Variants in TCF12 observed in about 807,000 individuals in gnomAD.
TCF12 encodes the protein transcription factor 12, also known as DNA-binding protein HTF4.
In TCF12, 45 loss-of-function variants were observed where a neutral mutation model predicts 86.0. The ratio of observed to expected loss-of-function variants is 0.52; its 90% confidence interval spans 0.41 to 0.67. The LOEUF (loss-of-function observed/expected upper bound fraction) is 0.67, where lower values mean the gene tolerates loss of function less well. TCF12 is among the 30% of genes least tolerant of loss of function. TCF12 has a pLI of 0.00. For missense variants in TCF12, 881 were observed against 859.9 expected, an observed-to-expected ratio of 1.02 and a Z score of -0.31; for synonymous variants, 330 against 299.6, an observed-to-expected ratio of 1.10 and a Z score of -1.05.
At chr15:57,212,212 T>A (rs1482951292) in intron 8 of TCF12, among the ~76,000 whole-genome samples, 1 of 152,190 alleles carries the variant, frequency 6.6e-6, no homozygotes, top group Admixed American at 6.5e-5. Flanking sequence ...AATGCTTCAT[T>A]TACCTTTTAA....
intron 5 of TCF12, among the ~76,000 whole-genome samples, chr15:57,120,511 T>C (rs1378462807): frequency 1.3e-5 from 2 of 152,332 alleles, no homozygotes; most frequent in East Asian, 3.9e-4. Flanking sequence ...GACTTACAGT[T>C]CTGTGTATGT....
chr15:57,060,405 TTATC>T (rs1491000503), intron 3 of TCF12, among the ~76,000 whole-genome samples: 5 of 152,230 alleles, frequency 3.3e-5, no homozygotes, highest in Admixed American at 6.5e-5. Context: ...TACTAAGAGA[TTATC>T]TATATAAAAG....
At chr15:57,253,508 A>T (rs1237353389) in intron 16 of TCF12, 40 bp downstream of exon 16, 17 of 1,601,802 alleles carry the variant, frequency 1.1e-5, no homozygotes, top group African/African-American at 2.7e-5. Context: ...AACCCTAAAG[A>T]TTCTTGTCCT....
chr15:56,991,664 A>G (rs2063465479), intron 3 of TCF12, among the ~76,000 whole-genome samples: 1 of 152,204 alleles, frequency 6.6e-6, no homozygotes, highest in East Asian at 1.9e-4. Flanking sequence ...TAGGGTTAAT[A>G]AGTTTTCATG....
chr15:56,982,271 T>C (rs1299384146), intron 3 of TCF12, among the ~76,000 whole-genome samples: 2 of 152,188 alleles, frequency 1.3e-5, no homozygotes, highest in East Asian at 1.9e-4. Flanking sequence ...ACTCTAAAGT[T>C]TCTTTAGTTG....
At chr15:57,179,868 A>C (rs189206412) in intron 6 of TCF12, among the ~76,000 whole-genome samples, 3 of 152,278 alleles carry the variant, frequency 2.0e-5, no homozygotes, top group African/African-American at 7.2e-5. Context: ...GGTTGCACAA[A>C]GCATTTAATG....
intron 16 of TCF12, among the ~76,000 whole-genome samples, chr15:57,260,225 G>A (rs2060526313): frequency 6.6e-6 from 1 of 151,876 alleles, no homozygotes; most frequent in African/African-American, 2.4e-5. Context: ...TTTCCTTAAG[G>A]GAAAAGTAAA....
At chr15:57,265,322 C>T (rs116225072) in intron 18 of TCF12, among the ~76,000 whole-genome samples, 77 of 152,058 alleles carry the variant, frequency 5.1e-4, no homozygotes, top group African/African-American at 1.8e-3. Context: ...CCGGTTTCTT[C>T]CTTCACCCCA....
intron 3 of TCF12, among the ~76,000 whole-genome samples, chr15:56,922,371 A>G (rs1187767285): frequency 6.6e-6 from 1 of 151,978 alleles, no homozygotes; most frequent in Non-Finnish European, 1.5e-5. Flanking sequence ...TCACTGATAC[A>G]ATAACATGAA....
At chr15:57,006,134 ACT>A (rs1179332679) in intron 3 of TCF12, among the ~76,000 whole-genome samples, 2 of 151,928 alleles carry the variant, frequency 1.3e-5, no homozygotes, top group African/African-American at 2.4e-5. Flanking sequence ...TGAACTGAAC[ACT>A]CTTTTATGAT....
rs575044753 is a variant in TCF12 at position 56,925,721 on chromosome 15, T to C, written c.148+4623T>C. ...AAAAAGAAGTGCTATTTGTGGACAA[T>C]GTGTGGAATGCCTTTTTAAAAGATC... On this transcript the variant is annotated intron_variant, in intron 3 of 20. Coordinates refer to ENST00000333725, the MANE Select transcript of TCF12 (RefSeq NM_207037.2). Among the ~76,000 whole-genome samples the C allele has an allele frequency of 7.2e-5, 11 of 152,328 alleles. No individual in the cohort carries two copies. The South Asian group carries it at 1.0e-3, about 14-fold the overall frequency.
chr15:57,048,350 C>T (rs912711941), intron 3 of TCF12, among the ~76,000 whole-genome samples: 2 of 152,192 alleles, frequency 1.3e-5, no homozygotes, highest in African/African-American at 2.4e-5. Flanking sequence ...TAAGCTCCGC[C>T]TCCCAGGTTC....
chr15:57,226,284 TTATA>T (rs1226962725), intron 8 of TCF12, among the ~76,000 whole-genome samples: 3 of 151,648 alleles, frequency 2.0e-5, no homozygotes, highest in African/African-American at 4.8e-5. Flanking sequence ...CTAAATATAA[TTATA>T]TAAGATACCA....
intron 4 of TCF12, among the ~76,000 whole-genome samples, chr15:57,065,767 T>A (rs2068823098): frequency 6.6e-6 from 1 of 152,160 alleles, no homozygotes. Flanking sequence ...TTGCTTTTCT[T>A]TTTGCTATTT....
At chr15:57,255,541 T>A (rs2060307415) in intron 16 of TCF12, among the ~76,000 whole-genome samples, 1 of 152,150 alleles carries the variant, frequency 6.6e-6, no homozygotes, top group Admixed American at 6.5e-5. Context: ...TGGAGTGCAG[T>A]GCCGTGATCT....
chr15:57,181,321 C>T (rs2593243), intron 6 of TCF12, among the ~76,000 whole-genome samples: 1 of 151,802 alleles, frequency 6.6e-6, no homozygotes, highest in East Asian at 1.9e-4. Flanking sequence ...AACTCCGAGG[C>T]TTAAGCAGTC....
chr15:57,170,712 AAT>A (rs1160074563), intron 6 of TCF12, among the ~76,000 whole-genome samples: 26 of 14,876 alleles, frequency 1.7e-3, no homozygotes, highest in South Asian at 3.9e-3. Context: ...TATAATATAT[AAT>A]ATATATATTA....
intron 5 of TCF12, among the ~76,000 whole-genome samples, chr15:57,165,134 CTGTGTGTGTG>C (rs10651646): frequency 7.5e-5 from 11 of 147,128 alleles, no homozygotes; most frequent in African/African-American, 2.8e-4. Flanking sequence ...GAATGTATGT[CTGTGTGTGTG>C]TGTGTGTGTG....
chr15:57,020,642 T>G (rs1197422402), intron 3 of TCF12, among the ~76,000 whole-genome samples: 1 of 152,226 alleles, frequency 6.6e-6, no homozygotes, highest in East Asian at 1.9e-4. Context: ...AATAGATGGA[T>G]AAGGTCGCTT....
Sources: gnomAD v4.1 joint callset for allele counts (sites outside exome capture counted in the v4.1 genomes callset) on GRCh38, gnomAD v4.1.1 for gene constraint, MANE v1.5 for transcripts, NCBI Gene and HGNC (gene_info 2026-07-23, HGNC 2026-07-21) for gene names.